ATP6V1D: variants seen among roughly 807,000 people sequenced by gnomAD.
ATP6V1D encodes ATPase H+ transporting V1 subunit D.
Under a neutral mutation model 39.4 loss-of-function variants are expected in ATP6V1D, and 20 were observed. That is an observed-to-expected ratio of 0.51 (90% CI 0.36 to 0.74). The LOEUF (loss-of-function observed/expected upper bound fraction) is 0.74. Among genes scored for constraint, ATP6V1D ranks in the 30% least tolerant of loss-of-function variants. The probability of loss-of-function intolerance (pLI) is 0.00; values close to 1 mark genes in which losing one functional copy is unlikely to be tolerated. For missense variants in ATP6V1D, 228 were observed against 291.6 expected (o/e 0.78, Z 1.59); for synonymous variants, 100 against 100.5 (o/e 0.99, Z 0.03).
At chr14:67,352,413 T>A (rs1595637483) in intron 2 of ATP6V1D, among the ~76,000 whole-genome samples, 1 of 142,378 alleles carries the variant, frequency 7.0e-6, no homozygotes. Context: ...GGCTGCAGAG[T>A]AAGACCTTGC....
chr14:67,347,524 G>C, intron 4 of ATP6V1D, 71 bp from the exon 5 acceptor site: 2 of 1,276,926 alleles, frequency 1.6e-6, no homozygotes, highest in Non-Finnish European at 2.2e-6. Context: ...TTTCTGAGAC[G>C]GAGTTTTGCT....
Position 67,352,748 on chromosome 14 carries a change from A to G in ATP6V1D, c.159+175T>C, listed in dbSNP as rs187042227. The G allele has an allele frequency of 3.9e-5, 21 of 541,594 alleles. No homozygotes were observed. The Admixed American group carries it at 6.1e-4, about 16-fold the overall frequency. The allele number at this position is 541,594 out of a possible 1,614,324, so 33.5% of individuals were successfully genotyped here. A position where few individuals can be genotyped will look rare whatever the true frequency, so the allele number is the denominator to read the frequency against. ...TGGAGCTTTGCAGGCAAGATTAAAG[A>G]GTTTGGATTTTATTAAATGAACTAT... On this transcript the variant is annotated intron_variant, in intron 2 of 8. Coordinates refer to ENST00000216442, the MANE Select transcript of ATP6V1D (RefSeq NM_015994.4).
intron 7 of ATP6V1D, 26 bp from the exon 8 acceptor site, chr14:67,340,544 T>C: frequency 6.4e-7 from 1 of 1,568,530 alleles, no homozygotes; most frequent in Non-Finnish European, 8.8e-7. Context: ...AAATAATATG[T>C]GTGAGAACTT....
chr14:67,348,934 G>C, intron 4 of ATP6V1D, 103 bp downstream of exon 4: 1 of 1,093,734 alleles, frequency 9.1e-7, no homozygotes, highest in Non-Finnish European at 1.3e-6. Context: ...GTTCTAAGTA[G>C]AAGGAAGAAA....
intron 4 of ATP6V1D, among the ~76,000 whole-genome samples, chr14:67,348,052 A>G (rs2085632337): frequency 6.6e-6 from 1 of 151,624 alleles, no homozygotes; most frequent in African/African-American, 2.4e-5. Flanking sequence ...AGCTGGGACA[A>G]CAGGCACATG....
At chr14:67,348,387 G>C (rs1457517697) in intron 4 of ATP6V1D, among the ~76,000 whole-genome samples, 1 of 151,396 alleles carries the variant, frequency 6.6e-6, no homozygotes, top group Admixed American at 6.6e-5. Flanking sequence ...TGTATTCTTT[G>C]GTAAAGATGG....
chr14:67,359,600 G>A, intron 1 of ATP6V1D, 58 bp downstream of exon 1: 1 of 1,599,052 alleles, frequency 6.3e-7, no homozygotes, highest in Admixed American at 1.7e-5. Flanking sequence ...GGGTCTGAAG[G>A]GACCGCGCTC....
Position 67,348,988 on chromosome 14 carries a change from A to G in ATP6V1D, c.307+49T>C, listed in dbSNP as rs780519018. 6 of 1,559,062 alleles carry G rather than the reference A, an allele frequency of 3.8e-6. No homozygotes were observed. In the South Asian group the frequency reaches 6.7e-5, roughly 18 times the overall value. The stretch of plus-strand genomic sequence containing the variant: ...GCTGTATAAACAGGTTAATTTTAAA[A>G]TGTCACCTCTTTTCTCCCCAAAGGG... On this transcript the variant is annotated intron_variant, in intron 4 of 8. Coordinates refer to ENST00000216442, the MANE Select transcript of ATP6V1D (RefSeq NM_015994.4).
intron 8 of ATP6V1D, 172 bp downstream of exon 8, chr14:67,340,268 G>C (rs2085569702): frequency 1.7e-6 from 1 of 576,286 alleles, no homozygotes; most frequent in Non-Finnish European, 3.0e-6. Flanking sequence ...TGTAAAATTT[G>C]ACAGATTTGT....
intron 1 of ATP6V1D, chr14:67,353,635 A>G (rs8014871): frequency 0.16 from 23,718 of 152,030 alleles, 3,500 homozygotes; most frequent in East Asian, 0.42. Context: ...CTACAGGCGT[A>G]TGCCACCAAG....
intron 7 of ATP6V1D, among the ~76,000 whole-genome samples, chr14:67,342,678 T>C (rs1041777004): frequency 1.3e-5 from 2 of 150,594 alleles, no homozygotes; most frequent in African/African-American, 2.4e-5. Flanking sequence ...AGTTAATATA[T>C]AGTTAATATA....
intron 1 of ATP6V1D, among the ~76,000 whole-genome samples, chr14:67,354,933 C>T (rs1177012319): frequency 6.6e-6 from 1 of 152,168 alleles, no homozygotes; most frequent in Non-Finnish European, 1.5e-5. Context: ...CCTGCCTCAG[C>T]ATCCCGAGTA....
At chr14:67,348,548 G>A (rs559803496) in intron 4 of ATP6V1D, among the ~76,000 whole-genome samples, 16 of 151,108 alleles carry the variant, frequency 1.1e-4, no homozygotes, top group Middle Eastern at 6.8e-3. Context: ...TTTAGACAGA[G>A]TCTTGCTCTG....
At chr14:67,347,500 CTCTT>C in intron 4 of ATP6V1D, 47 bp from the exon 5 acceptor site, 16 of 1,300,770 alleles carry the variant, frequency 1.2e-5, no homozygotes, top group South Asian at 2.8e-5. Flanking sequence ...TTTAAGTTCT[CTCTT>C]TTTTTTTTTT....
At chr14:67,355,099 A>G (rs12590809) in intron 1 of ATP6V1D, among the ~76,000 whole-genome samples, 1 of 152,172 alleles carries the variant, frequency 6.6e-6, no homozygotes, top group Non-Finnish European at 1.5e-5. Context: ...GGCATGAGCC[A>G]CCGCACCTGG....
chr14:67,350,045 T>A (rs776858328), intron 3 of ATP6V1D, among the ~76,000 whole-genome samples: 5 of 152,252 alleles, frequency 3.3e-5, no homozygotes, highest in Non-Finnish European at 7.3e-5. Flanking sequence ...CTTACCTATC[T>A]CATAGTGTTA....
intron 7 of ATP6V1D, among the ~76,000 whole-genome samples, chr14:67,342,599 G>A (rs1330574096): frequency 6.8e-6 from 1 of 147,298 alleles, no homozygotes; most frequent in Non-Finnish European, 1.5e-5. Flanking sequence ...CATGTACAAG[G>A]CCTGGCACTA....
At chr14:67,353,081 G>A in intron 1 of ATP6V1D, 41 bp from the exon 2 acceptor site, 1 of 1,483,744 alleles carries the variant, frequency 6.7e-7, no homozygotes, top group South Asian at 1.2e-5. Context: ...TATTCTCATT[G>A]TTTAAAAGAC....
intron 5 of ATP6V1D, among the ~76,000 whole-genome samples, 173 bp from the exon 6 acceptor site, chr14:67,346,044 GCTA>G (rs2085617508): frequency 6.6e-6 from 1 of 152,168 alleles, no homozygotes; most frequent in Admixed American, 6.5e-5. Context: ...ATAGGAGCAT[GCTA>G]CTAAATACAG....
Sources: gnomAD v4.1 joint callset for allele counts (sites outside exome capture counted in the v4.1 genomes callset) on GRCh38, gnomAD v4.1.1 for gene constraint, MANE v1.5 for transcripts, NCBI Gene and HGNC (gene_info 2026-07-23, HGNC 2026-07-21) for gene names.